Variants in ZNF16 observed in about 807,000 individuals in gnomAD.
The protein encoded by ZNF16 is zinc finger protein KOX9.
ZNF16 carries 7 observed loss-of-function variants against 9.0 expected under a neutral mutation model. The ratio of observed to expected loss-of-function variants is 0.78; its 90% CI spans 0.44 to 1.47. The LOEUF is 1.47. ZNF16 is among the 40% of genes most tolerant of loss of function. The probability of loss-of-function intolerance (pLI) is 0.01; values close to 1 mark genes in which losing one functional copy is unlikely to be tolerated. For missense variants in ZNF16, 830 were observed against 854.2 expected (o/e 0.97, Z 0.35); for synonymous variants, 312 against 301.5 (o/e 1.03, Z -0.36).
chr8:144,935,688 G>T (rs1373995275), intron 2 of ZNF16, among the ~76,000 whole-genome samples: 1 of 152,198 alleles, frequency 6.6e-6, no homozygotes, highest in Non-Finnish European at 1.5e-5. Context: ...TATGATTAAA[G>T]ACTTTTACGA....
rs1833530330 is a variant in ZNF16, at chr8:144,931,297, G to C, written c.1490C>G (p.Ala497Gly). The change falls in exon 3 of 3, where the codon GCC becomes GGC. Residue 497 changes from alanine to glycine, a missense_variant. Ala to Gly is a moderately conservative substitution (Grantham distance 60). Coordinates refer to ENST00000394909, the MANE Select transcript of ZNF16 (RefSeq NM_006958.3). ...KPYRCSVCGK[A>G]FSHSSALIQH... The stretch of plus-strand genomic sequence containing the variant: ...AATGAGGGCTGAGCTGTGGCTGAAG[G>C]CCTTCCCACAGACACTGCATCTGTA... The C allele has an allele frequency of 6.2e-7, 1 of 1,614,224 alleles. No individual in the cohort carries two copies. The highest frequency in any genetic ancestry group is 8.5e-7 in the Non-Finnish European group (1 of 1,180,044).
chr8:144,945,678 G>A lies in ZNF16; in HGVS notation c.196+333C>T, dbSNP rs191787225. Reference sequence around the variant, plus strand: ...TGGGTAACCACAGTACAAAGCCCTGGACCAGAGTAGAGTCCTGAGGGGAGA... The same window carrying A: ...TGGGTAACCACAGTACAAAGCCCTGAACCAGAGTAGAGTCCTGAGGGGAGA... On this transcript the variant is annotated intron_variant, in intron 2 of 2. Transcript: ENST00000394909. The A allele has an allele frequency of 2.9e-3, 668 of 227,480 alleles. 4 individuals carry two copies. The highest frequency in any genetic ancestry group is 0.014 in the African/African-American group (626 of 44,900). The allele number at this position is 227,480 out of a possible 1,614,324, so 14.1% of individuals were successfully genotyped here.
chr8:144,941,714 A>G (rs1184565974), intron 2 of ZNF16, among the ~76,000 whole-genome samples: 2 of 150,518 alleles, frequency 1.3e-5, no homozygotes, highest in Non-Finnish European at 2.9e-5. Flanking sequence ...GCTGGAGTGC[A>G]GTGGCATGGT....
In ZNF16 at chr8:144,946,004, A is replaced by G; in HGVS notation, c.196+7T>C. 1 of 1,613,432 alleles carries G rather than the reference A, an allele frequency of 6.2e-7. No homozygotes were observed. Among genetic ancestry groups the G allele is most frequent in the South Asian group, 1.1e-5 (1 of 91,060 alleles). The stretch of plus-strand genomic sequence containing the variant: ...AGGGCACCAGCGGAGAACTGTTCTT[A>G]AAGTACCTGGCTGCTGATAGTGAGG... On this transcript the variant is annotated splice_region_variant and intron_variant, in intron 2 of 2. Transcript: ENST00000394909.
chr8:144,946,557 C>CTG lies in ZNF16; in HGVS notation c.-9-344_-9-343dup, dbSNP rs1178627210. On this transcript the variant is annotated intron_variant, in intron 1 of 2. Transcript: ENST00000394909. ...TGGGGCCTGTGTACTGCTGTGGGGC[C>CTG]TGTACCCTGCTGTGGGCCTGTGTCC... Among the ~76,000 whole-genome samples, 315 of 122,256 alleles carry CTG rather than the reference C, an allele frequency of 2.6e-3. 2 individuals are homozygous for CTG. Among genetic ancestry groups the CTG allele is most frequent in the African/African-American group, 9.7e-3 (300 of 31,034 alleles). The allele number at this position is 122,256 out of a possible 152,430, so 80.2% of individuals were successfully genotyped here.
At position 144,945,765 on chromosome 8, in the gene ZNF16, G is replaced by A. The variant is rs1405373936; in HGVS notation, c.196+246C>T. 4 of 617,024 alleles carry A rather than the reference G, an allele frequency of 6.5e-6. No individual in the cohort carries two copies. The African/African-American group carries it at 7.3e-5, about 11-fold the overall frequency. The allele number at this position is 617,024 out of a possible 1,614,324, so 38.2% of individuals were successfully genotyped here. On this transcript the variant is annotated intron_variant, in intron 2 of 2. Coordinates refer to ENST00000394909, the MANE Select transcript of ZNF16 (RefSeq NM_006958.3). ...GTCAGGAGTATAGGGCAAATCAAAGGACGCTGGTGGCCATCATGTCATACC... is the reference window on the plus strand; with the variant it reads ...GTCAGGAGTATAGGGCAAATCAAAGAACGCTGGTGGCCATCATGTCATACC...
At chr8:144,939,370 C>T (rs1056771570) in intron 2 of ZNF16, among the ~76,000 whole-genome samples, 2 of 151,912 alleles carry the variant, frequency 1.3e-5, no homozygotes, top group Non-Finnish European at 2.9e-5. Context: ...TCTGGGAGGC[C>T]GAGGCGGGTG....
rs187059953 is a variant in ZNF16, at chr8:144,941,207, C to T, written c.196+4804G>A. On this transcript the variant is annotated intron_variant, in intron 2 of 2. Transcript: ENST00000394909. ...TTACTATAGAGCTATTTCTCCCTTC[C>T]AATCTGTCTATGTCTGTTTCAGATA... Among the ~76,000 whole-genome samples, 4 of 152,292 alleles carry T rather than the reference C, an allele frequency of 2.6e-5. No individual in the cohort carries two copies. In the East Asian group the frequency reaches 7.7e-4, roughly 29 times the overall value.
At chr8:144,935,307 A>T (rs1252072805) in intron 2 of ZNF16, among the ~76,000 whole-genome samples, 1 of 151,964 alleles carries the variant, frequency 6.6e-6, no homozygotes, top group Non-Finnish European at 1.5e-5. Flanking sequence ...GGTTCAAGTG[A>T]TTCTCCTACC....
intron 2 of ZNF16, among the ~76,000 whole-genome samples, chr8:144,941,313 A>G (rs1833792170): frequency 6.6e-6 from 1 of 151,870 alleles, no homozygotes; most frequent in Non-Finnish European, 1.5e-5. Context: ...ATAAATACAT[A>G]CTGTCCTTAT....
intron 2 of ZNF16, among the ~76,000 whole-genome samples, chr8:144,938,484 A>G (rs1833733271): frequency 6.6e-6 from 1 of 152,170 alleles, no homozygotes; most frequent in Non-Finnish European, 1.5e-5. Flanking sequence ...CCTTGGTCAA[A>G]TTTAGTCCTA....
chr8:144,947,309 TAC>T (rs1833986031), intron 1 of ZNF16, among the ~76,000 whole-genome samples: 1 of 136,698 alleles, frequency 7.3e-6, no homozygotes, highest in African/African-American at 3.0e-5. Flanking sequence ...TGCGGGCCTG[TAC>T]CCTGCTGCGG....
chr8:144,941,275 C>G (rs1325094126), intron 2 of ZNF16, among the ~76,000 whole-genome samples: 1 of 152,052 alleles, frequency 6.6e-6, no homozygotes, highest in African/African-American at 2.4e-5. Flanking sequence ...TTATAATTGC[C>G]ATATCTTCTT....
In ZNF16 at chr8:144,946,003, TA is replaced by T. The variant is rs769097657; in HGVS notation, c.196+7del. 1.2e-6 allele frequency: 2 copies of T among 1,613,240 alleles called. No individual in the cohort carries two copies. Among genetic ancestry groups the T allele is most frequent in the Non-Finnish European group, 1.7e-6 (2 of 1,179,636 alleles). On this transcript the variant is annotated splice_region_variant and intron_variant, in intron 2 of 2. Transcript: ENST00000394909. ...AAGGGCACCAGCGGAGAACTGTTCT[TA>T]AAGTACCTGGCTGCTGATAGTGAGG...
chr8:144,946,490 C>G (rs1833931239), intron 1 of ZNF16, among the ~76,000 whole-genome samples: 1 of 151,984 alleles, frequency 6.6e-6, no homozygotes, highest in Admixed American at 6.5e-5. Context: ...CCCAGACCTG[C>G]CATGATAGGA....
intron 2 of ZNF16, among the ~76,000 whole-genome samples, chr8:144,943,748 G>A (rs1284028814): frequency 6.6e-6 from 1 of 152,114 alleles, no homozygotes; most frequent in African/African-American, 2.4e-5. Context: ...TCGATCTCCT[G>A]ACCTCAAGTG....
chr8:144,946,972 G>C (rs1176474006), intron 1 of ZNF16, among the ~76,000 whole-genome samples: 32 of 112,446 alleles, frequency 2.8e-4, no homozygotes, highest in Non-Finnish European at 4.8e-4. Context: ...GTCCTGCTGT[G>C]GGCCTGTGTC....
rs562292161 is a variant in ZNF16 at position 144,931,182 on chromosome 8, G to A, written c.1605C>T (p.His535=). Residue 535 remains histidine, a synonymous_variant, in exon 3 of 3, where the codon CAC becomes CAT. Coordinates refer to ENST00000394909, the MANE Select transcript of ZNF16 (RefSeq NM_006958.3). The part of the protein sequence containing the change: ...TFGRSSNLIL[H]QRVHTGEKPY... ...GCTTCTCTCCAGTGTGGACTCGCTG[G>A]TGAAGGATGAGGTTGGAGCTGCGAC... is the stretch of plus-strand genomic sequence containing the variant. 6 of 1,614,054 alleles carry A rather than the reference G, an allele frequency of 3.7e-6. No individual in the cohort carries two copies. The highest frequency in any genetic ancestry group is 1.6e-4 in the Middle Eastern group (1 of 6,062).
chr8:144,939,371 G>A lies in ZNF16; in HGVS notation c.196+6640C>T, dbSNP rs532258035. On this transcript the variant is annotated intron_variant, in intron 2 of 2. Transcript: ENST00000394909. ...TGTAATCCTAGCACTCTGGGAGGCC[G>A]AGGCGGGTGGATTGCCTGAGCTCAG... 4.6e-5 allele frequency among the ~76,000 whole-genome samples: 7 copies of A among 152,136 alleles called. No homozygotes were observed. The East Asian group carries it at 1.2e-3, about 25-fold the overall frequency.
Sources: gnomAD v4.1 joint callset for allele counts (sites outside exome capture counted in the v4.1 genomes callset) on GRCh38, gnomAD v4.1.1 for gene constraint, MANE v1.5 for transcripts, NCBI Gene and HGNC (gene_info 2026-07-23, HGNC 2026-07-21) for gene names.